Variants in KLF8 observed in about 807,000 individuals in gnomAD.
KLF8 encodes the protein KLF transcription factor 8, also known as Krueppel-like factor 8.
Under a neutral mutation model 18.2 loss-of-function variants are expected in KLF8, and 10 were observed. The ratio of observed to expected loss-of-function variants is 0.55; its 90% CI spans 0.34 to 0.93. The LOEUF (loss-of-function observed/expected upper bound fraction) is 0.93, where lower values mean the gene tolerates loss of function less well. Among genes scored for constraint, KLF8 ranks in the 40% least tolerant of loss-of-function variants. The probability of loss-of-function intolerance (pLI) is 0.02; values close to 1 mark genes in which losing one functional copy is unlikely to be tolerated. For missense variants in KLF8, 264 were observed against 277.9 expected, an observed-to-expected ratio of 0.95 and a Z score of 0.36; for synonymous variants, 109 against 97.3, an observed-to-expected ratio of 1.12 and a Z score of -0.71.
At position 56,290,200 on chromosome X, in the gene KLF8, G is replaced by A. The variant is rs749172035; in HGVS notation, c.*5706G>A. ...TAGGCAAGTCATATCACCTCTCTGTGCCTCAATTAATCCATTTGCAAAATG... is the reference window on the plus strand; with the variant it reads ...TAGGCAAGTCATATCACCTCTCTGTACCTCAATTAATCCATTTGCAAAATG... On this transcript the variant is annotated 3_prime_UTR_variant, in exon 6 of 6. Coordinates refer to ENST00000468660, the MANE Select transcript of KLF8 (RefSeq NM_007250.5). Among the ~76,000 whole-genome samples the A allele has an allele frequency of 5.4e-5, 6 of 111,702 alleles. No homozygotes were observed. The highest frequency in any genetic ancestry group is 9.5e-5 in the Admixed American group (1 of 10,499).
the KLF8 span, among the ~76,000 whole-genome samples, chrX:56,156,023 C>T: frequency 6.3e-5 from 7 of 111,494 alleles, no homozygotes; most frequent in Non-Finnish European, 1.1e-4. Flanking sequence ...CCATGACATA[C>T]ATGTGCCACA....
the KLF8 span, among the ~76,000 whole-genome samples, chrX:56,012,901 C>A: frequency 9.0e-6 from 1 of 111,531 alleles, no homozygotes; most frequent in African/African-American, 3.3e-5. Flanking sequence ...CCCAAATAGC[C>A]AAGACAATCC....
At chrX:56,152,105 T>G in the KLF8 span, among the ~76,000 whole-genome samples, 1 of 112,085 alleles carries the variant, frequency 8.9e-6, no homozygotes, top group South Asian at 3.7e-4. Context: ...ACACAATGGG[T>G]TTTTATAAAT....
chrX:56,083,950 T>G, the KLF8 span, among the ~76,000 whole-genome samples: 1 of 112,022 alleles, frequency 8.9e-6, no homozygotes, highest in Admixed American at 9.5e-5. Flanking sequence ...CCATAAAGTT[T>G]GGGGACCACT....
chrX:56,057,693 C>T, the KLF8 span, among the ~76,000 whole-genome samples: 1 of 111,151 alleles, frequency 9.0e-6, no homozygotes, highest in African/African-American at 3.3e-5. Context: ...TCAGACCAGC[C>T]CCATGTGGTG....
At chrX:56,166,213 G>C in the KLF8 span, among the ~76,000 whole-genome samples, 1 of 108,206 alleles carries the variant, frequency 9.2e-6, no homozygotes, top group Non-Finnish European at 1.9e-5. Flanking sequence ...ATATTAAAAA[G>C]ACTTTTACTT....
chrX:56,049,776 C>T, the KLF8 span, among the ~76,000 whole-genome samples: 1 of 110,383 alleles, frequency 9.1e-6, no homozygotes, highest in Non-Finnish European at 1.9e-5. Flanking sequence ...ATGATGCTGG[C>T]CTCATAAAAT....
At chrX:56,048,734 T>A in the KLF8 span, among the ~76,000 whole-genome samples, 1 of 111,946 alleles carries the variant, frequency 8.9e-6, no homozygotes, top group Non-Finnish European at 1.9e-5. Flanking sequence ...TGGCTTAGGA[T>A]TGACGTGGCA....
At chrX:56,104,065 C>G in the KLF8 span, among the ~76,000 whole-genome samples, 13 of 112,008 alleles carry the variant, frequency 1.2e-4, no homozygotes, top group South Asian at 1.9e-3. Flanking sequence ...ATGAAGCCCA[C>G]TTGATCATAG....
chrX:56,065,427 A>G, the KLF8 span, among the ~76,000 whole-genome samples: 1 of 111,739 alleles, frequency 8.9e-6, no homozygotes, highest in African/African-American at 3.2e-5. Context: ...TTTTTTTATG[A>G]TATCTATTTT....
At chrX:55,936,581 T>C in the KLF8 span, among the ~76,000 whole-genome samples, 18 of 112,758 alleles carry the variant, frequency 1.6e-4, no homozygotes, top group Admixed American at 1.6e-3. Context: ...GGCGAGGCAT[T>C]GCCTCACGCA....
the KLF8 span, among the ~76,000 whole-genome samples, chrX:56,031,818 C>G: frequency 9.0e-5 from 10 of 111,335 alleles, no homozygotes; most frequent in East Asian, 2.5e-3. Context: ...GTCTCAAAAT[C>G]CGAGCTCCCC....
the KLF8 span, among the ~76,000 whole-genome samples, chrX:55,938,021 G>T: frequency 9.0e-6 from 1 of 111,128 alleles, no homozygotes; most frequent in East Asian, 2.8e-4. Context: ...GAAATACAGA[G>T]AATGCCACAA....
At chrX:56,129,784 C>A in the KLF8 span, among the ~76,000 whole-genome samples, 2 of 111,451 alleles carry the variant, frequency 1.8e-5, no homozygotes, top group Non-Finnish European at 3.8e-5. Flanking sequence ...AAGTTCTCAG[C>A]CCTGCTCACT....
chrX:55,973,517 C>T, the KLF8 span, among the ~76,000 whole-genome samples: 5 of 111,373 alleles, frequency 4.5e-5, no homozygotes, highest in Non-Finnish European at 9.5e-5. Flanking sequence ...AAAACAACCC[C>T]ATTAAAAATG....
chrX:56,150,415 T>C, the KLF8 span, among the ~76,000 whole-genome samples: 1 of 112,272 alleles, frequency 8.9e-6, no homozygotes, highest in East Asian at 2.8e-4. Context: ...TAAATGCTGC[T>C]TTGATGTCAT....
At chrX:56,242,162 C>T (rs767725695) in intron 1 of KLF8, among the ~76,000 whole-genome samples, 58 of 112,093 alleles carry the variant, frequency 5.2e-4, no homozygotes, top group Non-Finnish European at 8.3e-4. Context: ...CTAGCACATT[C>T]CAAGGTAATT....
chrX:56,233,007 G>A lies in KLF8; in HGVS notation c.-328G>A. On this transcript the variant is annotated 5_prime_UTR_variant, in exon 1 of 6. Coordinates refer to ENST00000468660, the MANE Select transcript of KLF8 (RefSeq NM_007250.5). Reference sequence around the variant, plus strand: ...CTTTATTTTTGTCCAAGGAAAAGCTGCAGGGGGGAGGATTCTTTTTAGGAA... The same window carrying A: ...CTTTATTTTTGTCCAAGGAAAAGCTACAGGGGGGAGGATTCTTTTTAGGAA... 3.1e-6 allele frequency: 1 copy of A among 319,322 alleles called. No individual in the cohort carries two copies. The highest frequency in any genetic ancestry group is 5.6e-6 in the Non-Finnish European group (1 of 178,507). The allele number at this position is 319,322 out of a possible 1,213,427, so 26.3% of individuals were successfully genotyped here.
the KLF8 span, among the ~76,000 whole-genome samples, chrX:55,972,383 C>G: frequency 9.1e-6 from 1 of 110,432 alleles, no homozygotes; most frequent in Non-Finnish European, 1.9e-5. Flanking sequence ...TTACAAGAAG[C>G]TTGAAAGGGT....
Sources: allele counts gnomAD v4.1 joint callset (sites outside exome capture counted in the v4.1 genomes callset), GRCh38; gene constraint gnomAD v4.1.1; transcripts MANE v1.5; gene names NCBI Gene and HGNC (gene_info 2026-07-23, HGNC 2026-07-21).